The following PKN2 variants were observed in gnomAD, a reference collection of about 807,000 sequenced individuals.
PKN2 encodes the protein protein kinase N2, also known as serine/threonine-protein kinase N2.
In PKN2, 38 loss-of-function variants were observed where a neutral mutation model predicts 119.1. That is an observed-to-expected ratio of 0.32 (90% CI 0.25 to 0.42). PKN2 has a LOEUF of 0.42. Ranked by LOEUF, PKN2 falls within the 10% of genes least tolerant of loss-of-function variation. The probability of loss-of-function intolerance (pLI) is 1.00; values close to 1 mark genes in which losing one functional copy is unlikely to be tolerated. For synonymous variants in PKN2, 390 were observed against 384.9 expected, an observed-to-expected ratio of 1.01 and a Z score of -0.15; for missense variants, 850 against 1,165.1, an observed-to-expected ratio of 0.73 and a Z score of 3.94.
chr1:88,724,886 T>TG (rs1667837096), intron 1 of PKN2, among the ~76,000 whole-genome samples: 1 of 145,430 alleles, frequency 6.9e-6, no homozygotes, highest in South Asian at 2.2e-4. Context: ...CCCTTGGTTT[T>TG]TTTTTTTTTT....
chr1:88,761,842 TA>T (rs1311375320), intron 3 of PKN2, among the ~76,000 whole-genome samples: 2 of 152,190 alleles, frequency 1.3e-5, no homozygotes, highest in African/African-American at 4.8e-5. Context: ...ATGATAGAGT[TA>T]TTTTTTGTGC....
intron 1 of PKN2, among the ~76,000 whole-genome samples, chr1:88,719,596 TTCATATCATTATGCTTGAAA>T (rs1359926230): frequency 6.6e-6 from 1 of 152,210 alleles, no homozygotes; most frequent in Non-Finnish European, 1.5e-5. Context: ...AGCCAAATAC[TTCATATCATTATGCTTGAAA>T]TAGATATGCT....
intron 1 of PKN2, among the ~76,000 whole-genome samples, chr1:88,701,519 G>A (rs924641438): frequency 1.3e-5 from 2 of 151,994 alleles, no homozygotes; most frequent in Non-Finnish European, 2.9e-5. Flanking sequence ...CCTATAAAAC[G>A]AAACAAAACA....
At chr1:88,744,443 A>G (rs146405218) in intron 2 of PKN2, among the ~76,000 whole-genome samples, 3 of 152,190 alleles carry the variant, frequency 2.0e-5, no homozygotes, top group Non-Finnish European at 4.4e-5. Flanking sequence ...TGTTTTTGAG[A>G]CTGCGTCTCC....
intron 8 of PKN2, among the ~76,000 whole-genome samples, chr1:88,795,614 A>G (rs1255541717): frequency 2.0e-5 from 3 of 152,166 alleles, no homozygotes; most frequent in South Asian, 4.1e-4. Context: ...AATTATTTCT[A>G]TTTTAGAGAG....
intron 18 of PKN2, among the ~76,000 whole-genome samples, chr1:88,824,707 A>G (rs1328597640): frequency 6.6e-6 from 1 of 152,218 alleles, no homozygotes; most frequent in African/African-American, 2.4e-5. Flanking sequence ...AGTGAATTTC[A>G]TAGGCCTGAT....
At chr1:88,733,617 C>T (rs1668229709) in intron 1 of PKN2, among the ~76,000 whole-genome samples, 1 of 152,070 alleles carries the variant, frequency 6.6e-6, no homozygotes, top group African/African-American at 2.4e-5. Flanking sequence ...TGTGTTCTCC[C>T]AGTCTATGAC....
chr1:88,690,591 T>C (rs1255934910), intron 1 of PKN2, among the ~76,000 whole-genome samples: 2 of 152,220 alleles, frequency 1.3e-5, no homozygotes, highest in African/African-American at 4.8e-5. Context: ...AATGAAAAAG[T>C]AATTCCTTAA....
At chr1:88,751,064 C>G (rs1173443054) in intron 2 of PKN2, among the ~76,000 whole-genome samples, 1 of 152,172 alleles carries the variant, frequency 6.6e-6, no homozygotes, top group East Asian at 1.9e-4. Flanking sequence ...AGATGCCTTT[C>G]AAATGGTCTG....
intron 1 of PKN2, among the ~76,000 whole-genome samples, chr1:88,730,748 G>A (rs1668115996): frequency 6.6e-6 from 1 of 152,214 alleles, no homozygotes; most frequent in Admixed American, 6.5e-5. Flanking sequence ...CTATGTGCCA[G>A]AAACTGTACT....
At chr1:88,771,164 G>A (rs1479075541) in intron 4 of PKN2, among the ~76,000 whole-genome samples, 2 of 151,534 alleles carry the variant, frequency 1.3e-5, no homozygotes, top group African/African-American at 4.9e-5. Flanking sequence ...AGAAACTTTC[G>A]GTCTCCCCAT....
intron 3 of PKN2, among the ~76,000 whole-genome samples, chr1:88,769,020 T>C (rs867364794): frequency 3.3e-5 from 5 of 150,472 alleles, no homozygotes; most frequent in Non-Finnish European, 7.4e-5. Flanking sequence ...ACTCATAGAA[T>C]GAGAACTTAC....
At chr1:88,690,115 G>A (rs545249025) in intron 1 of PKN2, among the ~76,000 whole-genome samples, 7 of 152,170 alleles carry the variant, frequency 4.6e-5, no homozygotes, top group African/African-American at 1.7e-4. Flanking sequence ...ATTAGGTCTA[G>A]TATCATGCAA....
chr1:88,797,383 C>T (rs1671118190), intron 8 of PKN2, among the ~76,000 whole-genome samples: 1 of 151,264 alleles, frequency 6.6e-6, no homozygotes, highest in Admixed American at 6.6e-5. Context: ...GTGGCTCATG[C>T]CTATAATCCC....
chr1:88,744,367 A>T (rs772670061), intron 2 of PKN2, among the ~76,000 whole-genome samples: 19 of 152,150 alleles, frequency 1.2e-4, no homozygotes, highest in Non-Finnish European at 2.5e-4. Flanking sequence ...AAGAGGGACA[A>T]AATTTAAGTC....
At position 88,702,320 on chromosome 1, in the gene PKN2, A is replaced by G. The variant is rs902275961; in HGVS notation, c.48+17692A>G. On this transcript the variant is annotated intron_variant, in intron 1 of 21. Coordinates refer to ENST00000370521, the MANE Select transcript of PKN2 (RefSeq NM_006256.4). ...GGATAGTTGGAATTTTCTAAGAGGA[A>G]AAGATGTTCAAGGAGGGTAGGATAA... is the stretch of plus-strand genomic sequence containing the variant. Among the ~76,000 whole-genome samples the G allele has an allele frequency of 3.9e-5, 6 of 152,298 alleles. No individual in the cohort carries two copies. In the East Asian group the frequency reaches 7.7e-4, roughly 20 times the overall value.
intron 6 of PKN2, among the ~76,000 whole-genome samples, chr1:88,780,603 A>T (rs912190536): frequency 3.3e-5 from 5 of 152,124 alleles, no homozygotes; most frequent in Admixed American, 6.5e-5. Flanking sequence ...AAGAGCAAAG[A>T]CCTTGTCATC....
chr1:88,828,129 A>T (rs1672584886), intron 18 of PKN2, among the ~76,000 whole-genome samples: 1 of 152,194 alleles, frequency 6.6e-6, no homozygotes, highest in Admixed American at 6.5e-5. Context: ...TGATTTTATA[A>T]TGAAGTAAAT....
intron 2 of PKN2, among the ~76,000 whole-genome samples, chr1:88,749,819 A>C (rs1435704938): frequency 1.3e-5 from 2 of 152,232 alleles, no homozygotes; most frequent in Non-Finnish European, 2.9e-5. Flanking sequence ...TAACCTTATT[A>C]ATTTAGATTT....
Sources: allele counts gnomAD v4.1 joint callset (sites outside exome capture counted in the v4.1 genomes callset), GRCh38; gene constraint gnomAD v4.1.1; transcripts MANE v1.5; gene names NCBI Gene and HGNC (gene_info 2026-07-23, HGNC 2026-07-21).